CNTN4: variants seen among roughly 807,000 people sequenced by gnomAD.
The protein encoded by CNTN4 is contactin 4.
CNTN4 carries 77 observed loss-of-function variants against 122.5 expected under a neutral mutation model. The observed-to-expected ratio is 0.63, with a 90% CI of 0.52 to 0.76. The LOEUF (loss-of-function observed/expected upper bound fraction) is 0.76, where lower values mean the gene tolerates loss of function less well. CNTN4 is among the 30% of genes least tolerant of loss of function. The pLI is 0.00. For missense variants in CNTN4, 1,256 were observed against 1,259.1 expected (o/e 1.00, Z 0.04); for synonymous variants, 512 against 447.0 (o/e 1.15, Z -1.83).
chr3:2,261,147 A>T (rs556170623), intron 2 of CNTN4, among the ~76,000 whole-genome samples: 1 of 152,272 alleles, frequency 6.6e-6, no homozygotes, highest in South Asian at 2.1e-4. Flanking sequence ...GAGGTAGAAA[A>T]ATTCCTAATT....
At chr3:2,893,054 G>T (rs544846023) in intron 10 of CNTN4, among the ~76,000 whole-genome samples, 73 of 152,250 alleles carry the variant, frequency 4.8e-4, no homozygotes, top group African/African-American at 1.7e-3. Context: ...CATTACCAGT[G>T]TCACAAATGA....
rs538876148 is a variant in CNTN4 at position 2,483,778 on chromosome 3, C to A, written c.-88-87638C>A. Among the ~76,000 whole-genome samples the A allele has an allele frequency of 4.5e-4, 68 of 152,260 alleles. 1 individual carries two copies. In the Middle Eastern group the frequency reaches 0.01, roughly 23 times the overall value. On this transcript the variant is annotated intron_variant, in intron 3 of 24. Coordinates refer to ENST00000418658, the MANE Select transcript of CNTN4 (RefSeq NM_175607.3). ...GATTGTAAGTTTCCTGAGGCCTCCCCAACCATGTGGAACTGTAAGTCAATT... is the reference window on the plus strand; with the variant it reads ...GATTGTAAGTTTCCTGAGGCCTCCCAAACCATGTGGAACTGTAAGTCAATT...
chr3:2,381,992 CA>C (rs1260111219), intron 3 of CNTN4, among the ~76,000 whole-genome samples: 1 of 152,132 alleles, frequency 6.6e-6, no homozygotes, highest in Non-Finnish European at 1.5e-5. Context: ...GACAAAGGCA[CA>C]AACCCTGTTT....
intron 2 of CNTN4, among the ~76,000 whole-genome samples, chr3:2,283,203 A>G (rs1048205485): frequency 6.6e-6 from 1 of 152,156 alleles, no homozygotes; most frequent in African/African-American, 2.4e-5. Flanking sequence ...CAGAGAGTAC[A>G]AAGATCAGAA....
At chr3:2,636,924 GTTTTTTTTTTTTTTGGTTT>G (rs1334911785) in intron 4 of CNTN4, among the ~76,000 whole-genome samples, 4 of 98,578 alleles carry the variant, frequency 4.1e-5, no homozygotes, top group African/African-American at 1.5e-4. Flanking sequence ...TTCTTTCTTT[GTTTTTTTTTTTTTTGGTTT>G]TTTTTTTTTT....
intron 7 of CNTN4, among the ~76,000 whole-genome samples, chr3:2,826,176 A>G (rs868366847): frequency 6.6e-6 from 1 of 152,142 alleles, no homozygotes; most frequent in African/African-American, 2.4e-5. Flanking sequence ...AAAACTGGAA[A>G]CATGTACTGT....
At chr3:2,625,104 T>C (rs548561520) in intron 4 of CNTN4, among the ~76,000 whole-genome samples, 14 of 152,282 alleles carry the variant, frequency 9.2e-5, no homozygotes, top group African/African-American at 3.4e-4. Context: ...TAAAAATACA[T>C]AGTAAGAGCT....
At chr3:2,164,085 G>A (rs12487151) in intron 2 of CNTN4, among the ~76,000 whole-genome samples, 1 of 151,822 alleles carries the variant, frequency 6.6e-6, no homozygotes, top group Non-Finnish European at 1.5e-5. Context: ...ACACTGCTTG[G>A]GTGATGAGTG....
chr3:2,449,252 T>C (rs542752076), intron 3 of CNTN4, among the ~76,000 whole-genome samples: 1 of 152,344 alleles, frequency 6.6e-6, no homozygotes, highest in African/African-American at 2.4e-5. Context: ...GTAAGTCATC[T>C]ATTAATGGGC....
At chr3:2,951,097 G>A (rs561800918) in intron 13 of CNTN4, among the ~76,000 whole-genome samples, 181 of 152,228 alleles carry the variant, frequency 1.2e-3, no homozygotes, top group Admixed American at 1.8e-3. Flanking sequence ...GGTAACCCAC[G>A]AGAAGCTTAG....
intron 2 of CNTN4, among the ~76,000 whole-genome samples, chr3:2,239,876 C>G (rs1294729989): frequency 1.3e-5 from 2 of 152,116 alleles, no homozygotes; most frequent in Admixed American, 1.3e-4. Context: ...CCCTTTTGCC[C>G]TACCTGACGT....
At chr3:2,886,951 T>C in intron 9 of CNTN4, 89 bp from the exon 10 acceptor site, 5 of 1,105,218 alleles carry the variant, frequency 4.5e-6, no homozygotes, top group Non-Finnish European at 6.6e-6. Flanking sequence ...CAACCTTATA[T>C]GTGTAGAACC....
intron 2 of CNTN4, among the ~76,000 whole-genome samples, chr3:2,245,057 A>G (rs891384297): frequency 1.3e-5 from 2 of 152,046 alleles, no homozygotes; most frequent in African/African-American, 4.8e-5. Context: ...AATAGATACA[A>G]TGGATGGTTT....
chr3:2,303,232 A>T (rs1047722936), intron 2 of CNTN4, among the ~76,000 whole-genome samples: 6 of 152,206 alleles, frequency 3.9e-5, no homozygotes, highest in Non-Finnish European at 5.9e-5. Context: ...TTTATATACC[A>T]TATAGTTTAC....
intron 3 of CNTN4, among the ~76,000 whole-genome samples, chr3:2,357,476 A>G (rs887753032): frequency 1.3e-5 from 2 of 152,146 alleles, no homozygotes; most frequent in Non-Finnish European, 2.9e-5. Flanking sequence ...TTAATTCACT[A>G]TCGCTGTCTA....
chr3:3,034,701 G>T lies in CNTN4; in HGVS notation c.1853G>T (p.Arg618Ile). 1 of 1,614,052 alleles carries T rather than the reference G, an allele frequency of 6.2e-7. No homozygotes were observed. ...ITDTTAQLSW[R>I]PGPDNHSPIT... ...GATACCACTGCTCAGCTCTCCTGGA[G>T]ACCCGGGCCTGACAACCACAGCCCC... Residue 618 changes from arginine to isoleucine, a missense_variant, in exon 17 of 25, where the codon AGA (arginine) becomes ATA (isoleucine). By Grantham distance (97) the Arg-to-Ile change is moderately conservative. Transcript: ENST00000418658.
At chr3:2,432,800 T>G (rs1009538401) in intron 3 of CNTN4, among the ~76,000 whole-genome samples, 3 of 143,742 alleles carry the variant, frequency 2.1e-5, no homozygotes, top group African/African-American at 7.7e-5. Flanking sequence ...CAGATATGTC[T>G]GGCACACTAA....
chr3:2,227,074 T>A (rs2039311984), intron 2 of CNTN4, among the ~76,000 whole-genome samples: 1 of 152,158 alleles, frequency 6.6e-6, no homozygotes, highest in Non-Finnish European at 1.5e-5. Flanking sequence ...CTATGCTGCA[T>A]TCTGTTACTA....
intron 4 of CNTN4, among the ~76,000 whole-genome samples, chr3:2,683,686 A>G (rs1043991563): frequency 2.6e-5 from 4 of 152,194 alleles, no homozygotes; most frequent in African/African-American, 9.6e-5. Flanking sequence ...CCAGTAAGGT[A>G]ATAAGTCTTT....
Sources: allele counts gnomAD v4.1 joint callset (sites outside exome capture counted in the v4.1 genomes callset), GRCh38; gene constraint gnomAD v4.1.1; transcripts MANE v1.5; gene names NCBI Gene and HGNC (gene_info 2026-07-23, HGNC 2026-07-21).